Variants in PTCD2 observed in about 807,000 individuals in gnomAD.
PTCD2 encodes pentatricopeptide repeat domain 2, also known as pentatricopeptide repeat-containing protein 2, mitochondrial.
A neutral mutation model predicts 42.6 loss-of-function variants in PTCD2; 31 were observed. The ratio of observed to expected loss-of-function variants is 0.73; its 90% CI spans 0.55 to 0.98. The LOEUF is 0.98. PTCD2 is among the 50% of genes least tolerant of loss of function. PTCD2 has a pLI of 0.00. For missense variants in PTCD2, 476 were observed against 454.8 expected (o/e 1.05, Z -0.42); for synonymous variants, 183 against 170.9 (o/e 1.07, Z -0.55).
At chr5:72,343,701 T>A (rs973278935) in intron 8 of PTCD2, among the ~76,000 whole-genome samples, 1 of 151,622 alleles carries the variant, frequency 6.6e-6, no homozygotes, top group Non-Finnish European at 1.5e-5. Flanking sequence ...GGAAAAAAAA[T>A]TATCTCAGAT....
At chr5:72,349,229 G>A (rs1299647528) in intron 8 of PTCD2, among the ~76,000 whole-genome samples, 1 of 152,096 alleles carries the variant, frequency 6.6e-6, no homozygotes, top group East Asian at 1.9e-4. Flanking sequence ...GCAAGAAGTA[G>A]GAAAAATGGG....
chr5:72,338,757 A>T, intron 7 of PTCD2, 22 bp downstream of exon 7: 1 of 1,399,290 alleles, frequency 7.1e-7, no homozygotes, highest in Non-Finnish European at 1.0e-6. Flanking sequence ...TGGTGTACAT[A>T]AGTAAATTGG....
chr5:72,358,191 G>A lies in PTCD2; in HGVS notation c.943-12G>A. 6.2e-7 allele frequency: 1 copy of A among 1,606,196 alleles called. No homozygotes were observed. The highest frequency in any genetic ancestry group is 8.5e-7 in the Non-Finnish European group (1 of 1,173,516). On this transcript the variant is annotated splice_polypyrimidine_tract_variant and intron_variant, in intron 9 of 9. Transcript: ENST00000380639. ...TGCAGAGATGTAATGATGTGTTCTTGCTTTTTTCCAGCTGGCCAAAGTGAG... is the reference window on the plus strand; with the variant it reads ...TGCAGAGATGTAATGATGTGTTCTTACTTTTTTCCAGCTGGCCAAAGTGAG...
At chr5:72,330,289 A>T (rs751867932) in intron 3 of PTCD2, among the ~76,000 whole-genome samples, 6 of 152,052 alleles carry the variant, frequency 3.9e-5, no homozygotes, top group Non-Finnish European at 5.9e-5. Context: ...AGTACACCTC[A>T]TCATTCTATT....
chr5:72,323,031 T>G lies in PTCD2; in HGVS notation c.220+767T>G, dbSNP rs188314021. ...TGGGCGTGGTGGTGCATGCCTGTAGTCACAGCTACTCCAGGGACTGAGGTG... is the reference window on the plus strand; with the variant it reads ...TGGGCGTGGTGGTGCATGCCTGTAGGCACAGCTACTCCAGGGACTGAGGTG... On this transcript the variant is annotated intron_variant, in intron 2 of 9. Coordinates refer to ENST00000380639, the MANE Select transcript of PTCD2 (RefSeq NM_024754.5). Among the ~76,000 whole-genome samples, 22 of 152,188 alleles carry G rather than the reference T, an allele frequency of 1.4e-4. 1 individual carries two copies. The highest frequency in any genetic ancestry group is 3.1e-4 in the Non-Finnish European group (21 of 68,008).
chr5:72,328,805 A>G (rs1268023668), intron 3 of PTCD2, among the ~76,000 whole-genome samples: 2 of 152,162 alleles, frequency 1.3e-5, no homozygotes, highest in Admixed American at 6.5e-5. Context: ...AACTATGCCC[A>G]TATTGTTGGA....
Position 72,358,060 on chromosome 5 carries a change from A to G in PTCD2, c.943-143A>G. The G allele has an allele frequency of 7.0e-6, 5 of 711,838 alleles. No individual in the cohort carries two copies. In the South Asian group the frequency reaches 7.4e-5, roughly 11 times the overall value. 44.1% of individuals were successfully genotyped at this position (711,838 alleles called of 1,614,324 possible). A position where few individuals can be genotyped will look rare whatever the true frequency, so the allele number is the denominator to read the frequency against. The stretch of plus-strand genomic sequence containing the variant: ...AGCAGTCCTCCTGTCTCAGCGTCCA[A>G]AATTGCTTAGATTAAAGCATGGGCC... On this transcript the variant is annotated intron_variant, in intron 9 of 9. Coordinates refer to ENST00000380639, the MANE Select transcript of PTCD2 (RefSeq NM_024754.5).
chr5:72,344,069 G>A (rs1482678872), intron 8 of PTCD2, among the ~76,000 whole-genome samples: 1 of 151,660 alleles, frequency 6.6e-6, no homozygotes, highest in African/African-American at 2.4e-5. Context: ...AAGGGGGTCG[G>A]GTTGGCCGGC....
rs1431351069 is a variant in PTCD2 at position 72,338,796 on chromosome 5, C to T, written c.753+61C>T. ...TGGCCAGGACTTCATTACTTTTATT[C>T]GTCCTTGCTTTTCCTTTTTTCCTTC... is the stretch of plus-strand genomic sequence containing the variant. On this transcript the variant is annotated intron_variant, in intron 7 of 9. Coordinates refer to ENST00000380639, the MANE Select transcript of PTCD2 (RefSeq NM_024754.5). 19 of 920,388 alleles carry T rather than the reference C, an allele frequency of 2.1e-5. No individual in the cohort carries two copies. In the South Asian group the frequency reaches 2.3e-4, roughly 11 times the overall value. The allele number at this position is 920,388 out of a possible 1,614,324, so 57.0% of individuals were successfully genotyped here. A position where few individuals can be genotyped will look rare whatever the true frequency, so the allele number is the denominator to read the frequency against.
rs184104977 is a variant in PTCD2 at position 72,330,162 on chromosome 5, G to A, written c.351-1096G>A. On this transcript the variant is annotated intron_variant, in intron 3 of 9. Coordinates refer to ENST00000380639, the MANE Select transcript of PTCD2 (RefSeq NM_024754.5). The stretch of plus-strand genomic sequence containing the variant: ...TCACCATGTTAGCCAAGATGGTCTC[G>A]ATCTCCTGACCTCATAATCCGCCTG... 4.8e-4 allele frequency among the ~76,000 whole-genome samples: 73 copies of A among 151,222 alleles called. No individual in the cohort carries two copies. In the East Asian group the frequency reaches 0.012, roughly 25 times the overall value.
chr5:72,326,486 T>C, intron 2 of PTCD2, 126 bp from the exon 3 acceptor site: 1 of 947,252 alleles, frequency 1.1e-6, no homozygotes, highest in Non-Finnish European at 1.6e-6. Context: ...CAGCTGTGTG[T>C]TTCTGAACCC....
rs1222766821 is a variant in PTCD2, at chr5:72,320,454, G to T, written c.72G>T (p.Leu24Phe). 1 of 1,614,114 alleles carries T rather than the reference G, an allele frequency of 6.2e-7. No homozygotes were observed. Among genetic ancestry groups the T allele is most frequent in the East Asian group, 2.2e-5 (1 of 44,862 alleles). The part of the protein sequence containing the change: ...NRVLLQALQI[L>F]VYPGVGGSGS... ...TTCTCCTGCAGGCGCTGCAGATTTT[G>T]GTGTATCCTGGGGTGGGAGGCTCCG... Residue 24 changes from leucine (L) to phenylalanine (F), a missense_variant, in exon 1 of 10, where the codon TTG (leucine) becomes TTT (phenylalanine). Physicochemically the swap from Leu to Phe is conservative, Grantham distance 22. Coordinates refer to ENST00000380639, the MANE Select transcript of PTCD2 (RefSeq NM_024754.5).
At chr5:72,357,376 T>C (rs970152583) in intron 9 of PTCD2, among the ~76,000 whole-genome samples, 1 of 152,184 alleles carries the variant, frequency 6.6e-6, no homozygotes, top group African/African-American at 2.4e-5. Flanking sequence ...ATAAGTGTAC[T>C]TCTCCTTCTT....
intron 2 of PTCD2, among the ~76,000 whole-genome samples, chr5:72,326,046 C>A (rs1466200888): frequency 4.6e-5 from 7 of 152,224 alleles, no homozygotes; most frequent in Middle Eastern, 3.4e-3. Flanking sequence ...TTTGGCATGC[C>A]TTCTAACAGC....
chr5:72,325,087 T>C (rs1335420481), intron 2 of PTCD2, among the ~76,000 whole-genome samples: 6 of 152,148 alleles, frequency 3.9e-5, no homozygotes, highest in African/African-American at 1.4e-4. Flanking sequence ...CACACCTGGC[T>C]ACTTTTTGTA....
intron 9 of PTCD2, among the ~76,000 whole-genome samples, chr5:72,357,014 C>T (rs1490306485): frequency 6.6e-6 from 1 of 152,194 alleles, no homozygotes; most frequent in Non-Finnish European, 1.5e-5. Context: ...CAGAAAGCAG[C>T]TTCACATTCT....
Position 72,331,324 on chromosome 5 carries a change from G to A in PTCD2, c.417G>A (p.Leu139=), listed in dbSNP as rs2112147630. ...AATTTGGACCGCTTTTTGTGAGGTT[G>A]TGTTACGAGTTGGATCTCGAGGAAT... ...EYKFGPLFVR[L]CYELDLEESA... Residue 139 remains leucine (L), a synonymous_variant, in exon 4 of 10, where the codon TTG becomes TTA. Transcript: ENST00000380639. The A allele has an allele frequency of 6.2e-7, 1 of 1,614,138 alleles. No homozygotes were observed. Among genetic ancestry groups the A allele is most frequent in the East Asian group, 2.2e-5 (1 of 44,886 alleles).
At chr5:72,340,280 T>A (rs1467358147) in intron 7 of PTCD2, among the ~76,000 whole-genome samples, 2 of 152,192 alleles carry the variant, frequency 1.3e-5, no homozygotes, top group Admixed American at 1.3e-4. Context: ...ATTTCCTCTG[T>A]TTTTCATCTT....
chr5:72,325,736 C>T (rs1354835740), intron 2 of PTCD2, among the ~76,000 whole-genome samples: 1 of 152,210 alleles, frequency 6.6e-6, no homozygotes, highest in Non-Finnish European at 1.5e-5. Context: ...GCTCTGGGTT[C>T]TTGGAACAAA....
Sources: gnomAD v4.1 joint callset for allele counts (sites outside exome capture counted in the v4.1 genomes callset) on GRCh38, gnomAD v4.1.1 for gene constraint, MANE v1.5 for transcripts, NCBI Gene and HGNC (gene_info 2026-07-23, HGNC 2026-07-21) for gene names.